The following ABCC11 variants were observed in gnomAD, a reference collection of about 807,000 sequenced individuals.
The protein encoded by ABCC11 is ATP binding cassette subfamily C member 11, also known as ATP-binding cassette sub-family C member 11.
A neutral mutation model predicts 149.3 loss-of-function variants in ABCC11; 135 were observed. The ratio of observed to expected loss-of-function variants is 0.90; its 90% CI spans 0.79 to 1.04. The LOEUF is 1.04. ABCC11 is among the 50% of genes least tolerant of loss of function. The pLI is 0.00. For missense variants in ABCC11, 1,680 were observed against 1,722.1 expected, an observed-to-expected ratio of 0.98 and a Z score of 0.43; for synonymous variants, 665 against 671.4, an observed-to-expected ratio of 0.99 and a Z score of 0.15.
chr16:48,181,524 A>G (rs768785515), intron 23 of ABCC11, among the ~76,000 whole-genome samples: 4 of 151,912 alleles, frequency 2.6e-5, no homozygotes, highest in Non-Finnish European at 2.9e-5. Context: ...CAGATGAGGA[A>G]TCCCAGAGGT....
rs150709795 is a variant in ABCC11 at position 48,216,270 on chromosome 16, G to A, written c.795C>T (p.Thr265=). 1.4e-5 allele frequency: 22 copies of A among 1,612,970 alleles called. No homozygotes were observed. Among genetic ancestry groups the A allele is most frequent in the South Asian group, 3.3e-5 (3 of 90,984 alleles). ...CTTCAAACAGGTAGTTTACATCACC[G>A]GTGAAGAAGCTGATGGCCTGCAAGA... The part of the protein sequence containing the change: ...ITSGEAISFF[T]GDVNYLFEGV... The change falls in exon 7 of 30, where the codon ACC becomes ACT. Residue 265 remains threonine (T), a synonymous_variant. Coordinates refer to ENST00000356608, the MANE Select transcript of ABCC11 (RefSeq NM_001370497.1).
intron 24 of ABCC11, among the ~76,000 whole-genome samples, chr16:48,177,707 G>A (rs533631341): frequency 2.0e-5 from 3 of 152,352 alleles, no homozygotes; most frequent in Admixed American, 6.5e-5. Context: ...TGGAGAAGAA[G>A]TTGGATCTGA....
intron 21 of ABCC11, 51 bp downstream of exon 21, chr16:48,187,150 G>T: frequency 1.2e-6 from 2 of 1,613,408 alleles, no homozygotes; most frequent in African/African-American, 1.3e-5. Flanking sequence ...ATCTAGTCTG[G>T]GTTGGTCCCA....
rs1232690168 is a variant in ABCC11, at chr16:48,196,341, G to A, written c.2315-20C>T. On this transcript the variant is annotated intron_variant, in intron 17 of 29. Coordinates refer to ENST00000356608, the MANE Select transcript of ABCC11 (RefSeq NM_001370497.1). Reference sequence around the variant, plus strand: ...CCGGCACTGGGTCAGGGTAGAAGAAGAGAAAAGTGGTATGCCTGCCAATCA... The same window carrying A: ...CCGGCACTGGGTCAGGGTAGAAGAAAAGAAAAGTGGTATGCCTGCCAATCA... The A allele has an allele frequency of 6.2e-7, 1 of 1,610,060 alleles. No homozygotes were observed. The highest frequency in any genetic ancestry group is 1.3e-5 in the African/African-American group (1 of 74,838).
At chr16:48,179,422 C>T (rs1231512300) in intron 23 of ABCC11, among the ~76,000 whole-genome samples, 4 of 152,218 alleles carry the variant, frequency 2.6e-5, no homozygotes, top group Non-Finnish European at 5.9e-5. Context: ...AAGCTGGAGG[C>T]AGAGCTGGGC....
At chr16:48,231,139 C>T (rs893252229) in intron 2 of ABCC11, among the ~76,000 whole-genome samples, 1 of 151,896 alleles carries the variant, frequency 6.6e-6, no homozygotes, top group Admixed American at 6.6e-5. Context: ...CCAATTGCTG[C>T]GTGTGATTGC....
chr16:48,177,577 G>A (rs1266533202), intron 24 of ABCC11, among the ~76,000 whole-genome samples: 2 of 152,150 alleles, frequency 1.3e-5, no homozygotes, highest in African/African-American at 2.4e-5. Flanking sequence ...CTTACTTAAC[G>A]TAAGTTCCAC....
intron 23 of ABCC11, among the ~76,000 whole-genome samples, chr16:48,180,292 C>G (rs1435967050): frequency 1.3e-5 from 2 of 152,242 alleles, no homozygotes; most frequent in African/African-American, 4.8e-5. Flanking sequence ...AAGTTATCTC[C>G]TCTCCAGCCT....
Position 48,175,437 on chromosome 16 carries a change from CG to C in ABCC11, c.3539-21del, listed in dbSNP as rs1433347275. ...ACTTCCCTGTGGGGCAAGAAACAAG[CG>C]GGGCCTCAGTTTCCTGCATCTGCAC... On this transcript the variant is annotated intron_variant, in intron 25 of 29. Transcript: ENST00000356608. 1.9e-6 allele frequency: 3 copies of C among 1,594,286 alleles called. No individual in the cohort carries two copies. Among genetic ancestry groups the C allele is most frequent in the African/African-American group, 2.7e-5 (2 of 74,620 alleles).
In ABCC11 at chr16:48,200,278, G is replaced by T; in HGVS notation, c.2080C>A (p.Gln694Lys). 1 of 1,614,006 alleles carries T rather than the reference G, an allele frequency of 6.2e-7. No homozygotes were observed. The highest frequency in any genetic ancestry group is 8.5e-7 in the Non-Finnish European group (1 of 1,179,960). ...KTVVLVTHQL[Q>K]YLEFCGQIIL... ...CAGAGCCCTGGAAGGGTGCTAACCT[G>T]CAGCTGGTGGGTCACCAGGACGACC... The change falls in exon 15 of 30, where the codon CAG (glutamine) becomes AAG (lysine). Residue 694 changes from glutamine to lysine, a missense_variant and splice_region_variant. Physicochemically the swap from Gln to Lys is moderately conservative, Grantham distance 53. Transcript: ENST00000356608.
chr16:48,206,354 A>G (rs1428773320), intron 12 of ABCC11, among the ~76,000 whole-genome samples: 2 of 152,214 alleles, frequency 1.3e-5, no homozygotes, highest in South Asian at 2.1e-4. Flanking sequence ...TCTATATAGT[A>G]AGGTAAATAT....
At chr16:48,192,231 C>T (rs903934698) in intron 20 of ABCC11, among the ~76,000 whole-genome samples, 23 of 152,094 alleles carry the variant, frequency 1.5e-4, no homozygotes, top group African/African-American at 5.1e-4. Flanking sequence ...ATCACTGGAA[C>T]CCAGGAGTTT....
chr16:48,222,347 C>A (rs950899973), intron 6 of ABCC11, among the ~76,000 whole-genome samples: 4 of 152,160 alleles, frequency 2.6e-5, no homozygotes, highest in Non-Finnish European at 4.4e-5. Flanking sequence ...AAAGTTCCTA[C>A]TTGTTGAATG....
intron 5 of ABCC11, chr16:48,223,770 A>T (rs1270667857): frequency 6.5e-6 from 1 of 152,678 alleles, no homozygotes; most frequent in African/African-American, 2.4e-5. Flanking sequence ...GAAATAGAGC[A>T]CATTCATCCC....
In ABCC11 at chr16:48,200,363, G is replaced by A. The variant is rs150571618; in HGVS notation, c.1995C>T (p.Asp665=). ...CAAAAATGTGCTTCCCCACGTGGGC[G>A]TCCACAGCAGACAGGGGGTCGTCCA... ...YLLDDPLSAV[D]AHVGKHIFEE... is the part of the protein sequence containing the mutation. Residue 665 remains aspartate (D), a synonymous_variant, in exon 15 of 30, where the codon GAC becomes GAT. Coordinates refer to ENST00000356608, the MANE Select transcript of ABCC11 (RefSeq NM_001370497.1). 173 of 1,614,224 alleles carry A rather than the reference G, an allele frequency of 1.1e-4. No homozygotes were observed. Among genetic ancestry groups the A allele is most frequent in the Admixed American group, 3.0e-4 (18 of 60,028 alleles).
intron 2 of ABCC11, among the ~76,000 whole-genome samples, chr16:48,231,473 G>A (rs906024911): frequency 6.6e-6 from 1 of 152,048 alleles, no homozygotes; most frequent in African/African-American, 2.4e-5. Flanking sequence ...ACAAGCCTGG[G>A]CAACATAGGG....
intron 2 of ABCC11, among the ~76,000 whole-genome samples, chr16:48,231,006 A>G (rs1970385454): frequency 6.6e-6 from 1 of 152,146 alleles, no homozygotes; most frequent in South Asian, 2.1e-4. Flanking sequence ...GACTTCATAT[A>G]GAATAAATAA....
chr16:48,227,169 A>G (rs946981192), intron 4 of ABCC11, among the ~76,000 whole-genome samples: 1 of 152,114 alleles, frequency 6.6e-6, no homozygotes, highest in Non-Finnish European at 1.5e-5. Context: ...AGGGACTAGA[A>G]GTGGTCATTT....
In ABCC11 at chr16:48,192,521, T is replaced by A; in HGVS notation, c.2705A>T (p.Lys902Met). Residue 902 changes from lysine to methionine, a missense_variant and splice_region_variant, in exon 20 of 30, where the codon AAG becomes ATG. Lys to Met is a moderately conservative substitution (Grantham distance 95). Coordinates refer to ENST00000356608, the MANE Select transcript of ABCC11 (RefSeq NM_001370497.1). ...STALHNKLFN[K>M]VFRCPMSFFD... ...CCCACCCAGCACCCAGGCCCATACC[T>A]TGTTGAAGAGCTTGTTGTGCAGGGC... The A allele has an allele frequency of 6.2e-7, 1 of 1,614,118 alleles. No homozygotes were observed. Among genetic ancestry groups the A allele is most frequent in the Non-Finnish European group, 8.5e-7 (1 of 1,179,970 alleles).
Sources: gnomAD v4.1 joint callset for allele counts (sites outside exome capture counted in the v4.1 genomes callset) on GRCh38, gnomAD v4.1.1 for gene constraint, MANE v1.5 for transcripts, NCBI Gene and HGNC (gene_info 2026-07-23, HGNC 2026-07-21) for gene names.